Variants in DACT2 observed in about 807,000 individuals in gnomAD.
DACT2 encodes the protein dishevelled binding antagonist of beta catenin 2, also known as dapper homolog 2.
Under a neutral mutation model 22.2 loss-of-function variants are expected in DACT2, and 20 were observed. The observed-to-expected ratio is 0.90, with a 90% CI of 0.63 to 1.31. The LOEUF (loss-of-function observed/expected upper bound fraction) is 1.31. Among genes scored for constraint, DACT2 ranks in the 50% most tolerant of loss-of-function variants. DACT2 has a pLI of 0.00. For synonymous variants in DACT2, 463 were observed against 479.8 expected, an observed-to-expected ratio of 0.96 and a Z score of 0.46; for missense variants, 1,048 against 1,061.4, an observed-to-expected ratio of 0.99 and a Z score of 0.18.
intron 4 of DACT2, chr6:168,294,577 G>GTGTGTATATATATATATGTATATATATA (rs1177617130): frequency 1.7e-5 from 2 of 114,784 alleles, no homozygotes; most frequent in African/African-American, 1.2e-4. Flanking sequence ...GTGTGTGTGT[G>GTGTGTATATATATATATGTATATATATA]TATATATATA....
At position 168,319,489 on chromosome 6, in the gene DACT2, G is replaced by C; in HGVS notation, c.145C>G (p.Leu49Val). The C allele has an allele frequency of 8.0e-7, 1 of 1,245,102 alleles. No homozygotes were observed. Among genetic ancestry groups the C allele is most frequent in the Non-Finnish European group, 1.0e-6 (1 of 991,204 alleles). 77.1% of individuals were successfully genotyped at this position (1,245,102 alleles called of 1,614,324 possible). A position where few individuals can be genotyped will look rare whatever the true frequency, so the allele number is the denominator to read the frequency against. Residue 49 changes from leucine (L) to valine (V), a missense_variant, in exon 1 of 4, where the codon CTG (leucine) becomes GTG (valine). Coordinates refer to ENST00000366795, the MANE Select transcript of DACT2 (RefSeq NM_214462.5). ...QQERVRGALALQPPPAPAAPC... is the reference protein window; with the variant it reads ...QQERVRGALAVQPPPAPAAPC... Reference sequence around the variant, plus strand: ...GCGGCGGGCGCGGGCGGGGGCTGCAGGGCCAGGGCGCCCCGTACCCGCTCC... The same window carrying C: ...GCGGCGGGCGCGGGCGGGGGCTGCACGGCCAGGGCGCCCCGTACCCGCTCC...
chr6:168,311,587 CACACACACAT>C (rs1343798683), intron 1 of DACT2, among the ~76,000 whole-genome samples: 908 of 56,378 alleles, frequency 0.016, 3 homozygotes, highest in East Asian at 0.037. Context: ...CACCCATCCA[CACACACACAT>C]ACACACACAC....
Position 168,311,198 on chromosome 6 carries a change from G to A in DACT2, c.333C>T (p.Gly111=). 1 of 1,549,606 alleles carries A rather than the reference G, an allele frequency of 6.5e-7. No individual in the cohort carries two copies. The highest frequency in any genetic ancestry group is 1.4e-5 in the African/African-American group (1 of 73,146). The change falls in exon 2 of 4, where the codon GGC becomes GGT. Residue 111 remains glycine, a synonymous_variant. Transcript: ENST00000366795. ...TGTCCAGGGCCTCCCCTGAGGCTGT[G>A]CCCACATCCAGCTGCAGCTTGCTAA... ...LQISKLQLDV[G]TASGEALDSD...
intron 1 of DACT2, among the ~76,000 whole-genome samples, chr6:168,316,118 C>G (rs1436833595): frequency 6.6e-6 from 1 of 152,254 alleles, no homozygotes; most frequent in Non-Finnish European, 1.5e-5. Flanking sequence ...TCTGTTTGAT[C>G]TTCTCTTCCA....
downstream of DACT2, among the ~76,000 whole-genome samples, chr6:168,305,373 A>C (rs1404795205): frequency 1.3e-5 from 2 of 148,842 alleles, no homozygotes; most frequent in Non-Finnish European, 2.9e-5. Context: ...CTGTCAGAAA[A>C]CCCTGAGGAG....
Position 168,319,630 on chromosome 6 carries a change from A to G in DACT2, c.4T>C (p.Trp2Arg), listed in dbSNP as rs1254898035. Residue 2 changes from tryptophan to arginine, a missense_variant, in exon 1 of 4, where the codon TGG becomes CGG. Coordinates refer to ENST00000366795, the MANE Select transcript of DACT2 (RefSeq NM_214462.5). MWTPGGPPGSAG... is the reference protein window; with the variant it reads MRTPGGPPGSAG... ...GACCCCGGGGGTCCGCCCGGCGTCCACATCTCCCGGGCAGGGTCCCGGCCT... is the reference window on the plus strand; with the variant it reads ...GACCCCGGGGGTCCGCCCGGCGTCCGCATCTCCCGGGCAGGGTCCCGGCCT... 5 of 1,287,422 alleles carry G rather than the reference A, an allele frequency of 3.9e-6. No homozygotes were observed. Among genetic ancestry groups the G allele is most frequent in the East Asian group, 3.3e-5 (1 of 30,232 alleles). 79.7% of individuals were successfully genotyped at this position (1,287,422 alleles called of 1,614,324 possible).
At position 168,309,016 on chromosome 6, in the gene DACT2, C is replaced by G; in HGVS notation, c.741G>C (p.Gln247His). The G allele has an allele frequency of 6.5e-7, 1 of 1,548,016 alleles. No individual in the cohort carries two copies. Among genetic ancestry groups the G allele is most frequent in the Non-Finnish European group, 8.7e-7 (1 of 1,146,926 alleles). ...GCACGTGCAGCGGGATATCCACCCC[C>G]TGGCAGAGGAGCCCGAGGAGCTCGG... ...ADAELLGLLCQGVDIPLHVPD... is the reference protein window; with the variant it reads ...ADAELLGLLCHGVDIPLHVPD... The change falls in exon 4 of 4, where the codon CAG (glutamine) becomes CAC (histidine). Residue 247 changes from glutamine to histidine, a missense_variant. Physicochemically the swap from Gln to His is conservative, Grantham distance 24. Transcript: ENST00000366795.
intron 1 of DACT2, among the ~76,000 whole-genome samples, chr6:168,314,761 A>C (rs1040107776): frequency 6.6e-6 from 1 of 152,170 alleles, no homozygotes; most frequent in Non-Finnish European, 1.5e-5. Flanking sequence ...TATCCCTGAG[A>C]GCTAGGATGC....
At chr6:168,294,606 CAT>C in intron 4 of DACT2, 1 of 911,502 alleles carries the variant, frequency 1.1e-6, no homozygotes, top group Non-Finnish European at 1.5e-6. Flanking sequence ...TATATATACA[CAT>C]ATAAAGAAGA....
chr6:168,303,934 T>C (rs938593806), downstream of DACT2, among the ~76,000 whole-genome samples: 20 of 152,350 alleles, frequency 1.3e-4, 1 homozygote, highest in Non-Finnish European at 2.4e-4. Flanking sequence ...TATCCTTTCA[T>C]TTTAGGATAG....
At chr6:168,293,614 A>T (rs1583286903) in exon 6 of DACT2, 1 of 440,558 alleles carries the variant, frequency 2.3e-6, no homozygotes, top group Non-Finnish European at 4.1e-6. Flanking sequence ...AAGTAGAAGG[A>T]TTGGAATTTC....
downstream of DACT2, among the ~76,000 whole-genome samples, chr6:168,306,385 A>G (rs1315129841): frequency 1.3e-5 from 2 of 150,656 alleles, no homozygotes; most frequent in Middle Eastern, 3.4e-3. Flanking sequence ...TTCCCTTTGG[A>G]AAAGTAAACA....
chr6:168,319,533 C>CCCTGCAGCT lies in DACT2; in HGVS notation c.92_100dup (p.Glu31_Gln33dup). 7.3e-7 allele frequency: 1 copy of CCCTGCAGCT among 1,371,156 alleles called. No individual in the cohort carries two copies. The highest frequency in any genetic ancestry group is 9.5e-7 in the Non-Finnish European group (1 of 1,053,910). The allele number at this position is 1,371,156 out of a possible 1,614,324, so 84.9% of individuals were successfully genotyped here. The stretch of plus-strand genomic sequence containing the variant: ...CCGCTCCTGCTGCGTGGCTCGCAGC[C>CCCTGCAGCT]CCTGCAGCTCCTGCAGCCCCGCGAA... On this transcript the variant is annotated inframe_insertion, in exon 1 of 4. Transcript: ENST00000366795.
chr6:168,307,829 A>G lies in DACT2; in HGVS notation c.1928T>C (p.Leu643Pro). ...GACCAGTGAGGGACGGCCCCGGGCC[A>G]GTGGGCCACCTGCTCTCCTGGCCAC... ...RPVARRAGGP[L>P]ARGRPSLVRQ... The change falls in exon 4 of 4, where the codon CTG becomes CCG. Residue 643 changes from leucine to proline, a missense_variant. Physicochemically the swap from Leu to Pro is moderately conservative, Grantham distance 98. Transcript: ENST00000366795. The surrounding 1 kb of genome is among the most constrained non-coding windows in gnomAD (Gnocchi z 5.3). 6.5e-7 allele frequency: 1 copy of G among 1,538,734 alleles called. No individual in the cohort carries two copies.
At chr6:168,305,746 T>C (rs917459505), downstream of DACT2, among the ~76,000 whole-genome samples, 6 of 152,222 alleles carry the variant, frequency 3.9e-5, no homozygotes, top group African/African-American at 1.4e-4. Context: ...AAAAATGTTG[T>C]CATTTTTATA....
intron 3 of DACT2, chr6:168,299,210 C>T (rs930013209): frequency 6.6e-6 from 1 of 152,176 alleles, no homozygotes; most frequent in Non-Finnish European, 1.5e-5. Flanking sequence ...TCATCTTCCT[C>T]AACCAATCCA....
chr6:168,311,669 TATACAC>T (rs1562498684), intron 1 of DACT2, among the ~76,000 whole-genome samples: 11 of 143,018 alleles, frequency 7.7e-5, no homozygotes. Flanking sequence ...CATACACACA[TATACAC>T]ACACACTCAC....
At chr6:168,318,911 C>G (rs1181566442) in intron 1 of DACT2, among the ~76,000 whole-genome samples, 1 of 152,142 alleles carries the variant, frequency 6.6e-6, no homozygotes, top group Non-Finnish European at 1.5e-5. Flanking sequence ...GAGGACAAGT[C>G]GGGGTGCGCT....
chr6:168,294,750 C>A lies in DACT2; in HGVS notation c.659-46G>T, dbSNP rs78099509. 9 of 983,294 alleles carry A rather than the reference C, an allele frequency of 9.2e-6. No individual in the cohort carries two copies. In the African/African-American group the frequency reaches 1.2e-4, roughly 13 times the overall value. The allele number at this position is 983,294 out of a possible 1,614,324, so 60.9% of individuals were successfully genotyped here. A position where few individuals can be genotyped will look rare whatever the true frequency, so the allele number is the denominator to read the frequency against. ...ATGTGCGTGAGAGCTACAGAACACA[C>A]CTGCAGCTTCAACGATTCTGCGATT... On this transcript the variant is annotated intron_variant, in intron 3 of 5. Transcript: ENST00000366796.
Sources: gnomAD v4.1 joint callset for allele counts (sites outside exome capture counted in the v4.1 genomes callset) on GRCh38, gnomAD v4.1.1 for gene constraint, Gnocchi (gnomAD v3.1) non-coding constraint, MANE v1.5 for transcripts, NCBI Gene and HGNC (gene_info 2026-07-23, HGNC 2026-07-21) for gene names.